GFRA2: variants seen among roughly 807,000 people sequenced by gnomAD.
GFRA2 encodes the protein GDNF family receptor alpha-2.
A neutral mutation model predicts 48.3 loss-of-function variants in GFRA2; 17 were observed. The observed-to-expected ratio is 0.35, with a 90% confidence interval of 0.24 to 0.53. The LOEUF is 0.53. Among genes scored for constraint, GFRA2 ranks in the 20% least tolerant of loss-of-function variants. The pLI is 0.93. For missense variants in GFRA2, 660 were observed against 637.3 expected, an observed-to-expected ratio of 1.04 and a Z score of -0.38; for synonymous variants, 305 against 257.2, an observed-to-expected ratio of 1.19 and a Z score of -1.78.
At chr8:21,798,696 T>A (rs1441953068) in intron 2 of GFRA2, among the ~76,000 whole-genome samples, 1 of 152,156 alleles carries the variant, frequency 6.6e-6, no homozygotes, top group African/African-American at 2.4e-5. Flanking sequence ...GCAGCCCACA[T>A]CCCATGGTGA....
intron 3 of GFRA2, among the ~76,000 whole-genome samples, chr8:21,770,282 A>C (rs1806381670): frequency 6.6e-6 from 1 of 152,224 alleles, no homozygotes; most frequent in African/African-American, 2.4e-5. Flanking sequence ...ACCTTGGAGA[A>C]ATCAGTCCAT....
intron 2 of GFRA2, among the ~76,000 whole-genome samples, chr8:21,801,092 CA>C (rs1413192160): frequency 2.6e-5 from 4 of 152,024 alleles, no homozygotes; most frequent in Non-Finnish European, 5.9e-5. Context: ...CTCATTAAAA[CA>C]AATCCCTGCT....
At chr8:21,786,198 G>GCA (rs1304226827) in intron 1 of GFRA2, among the ~76,000 whole-genome samples, 157 of 152,280 alleles carry the variant, frequency 1.0e-3, no homozygotes, top group South Asian at 8.1e-3. Flanking sequence ...CATCTCCCAT[G>GCA]CACACACATA....
At chr8:21,749,597 T>G (rs1479706819) in intron 4 of GFRA2, among the ~76,000 whole-genome samples, 1 of 152,088 alleles carries the variant, frequency 6.6e-6, no homozygotes, top group Non-Finnish European at 1.5e-5. Context: ...GAGAGCACCT[T>G]TCCTGATAGC....
chr8:21,703,651 T>C (rs1272606181), intron 6 of GFRA2, among the ~76,000 whole-genome samples: 2 of 152,192 alleles, frequency 1.3e-5, no homozygotes, highest in African/African-American at 2.4e-5. Context: ...GTATCATCTC[T>C]TATCTACCCT....
Position 21,693,015 on chromosome 8 carries a change from G to C in GFRA2, c.*263C>G, listed in dbSNP as rs1801946382. 1 of 307,642 alleles carries C rather than the reference G, an allele frequency of 3.3e-6. No homozygotes were observed. The allele number at this position is 307,642 out of a possible 1,614,324, so 19.1% of individuals were successfully genotyped here. The stretch of plus-strand genomic sequence containing the variant: ...CAGGAGAAAGTGAAGGGCATTTCTA[G>C]AGCCTCGTGCCCTCCCCGGCACCAG... On this transcript the variant is annotated 3_prime_UTR_variant, in exon 9 of 9. Transcript: ENST00000524240.
intron 1 of GFRA2, among the ~76,000 whole-genome samples, chr8:21,787,435 C>T (rs1443326421): frequency 6.6e-6 from 1 of 152,206 alleles, no homozygotes; most frequent in Non-Finnish European, 1.5e-5. Context: ...GAGGGAAGGC[C>T]GGGAACGGCT....
At chr8:21,760,055 G>C (rs1045625519) in intron 3 of GFRA2, among the ~76,000 whole-genome samples, 5 of 152,106 alleles carry the variant, frequency 3.3e-5, no homozygotes, top group South Asian at 2.1e-4. Context: ...CAAGCACAAA[G>C]GTCCTGAGAC....
At chr8:21,776,039 G>A (rs1490349287) in intron 2 of GFRA2, among the ~76,000 whole-genome samples, 4 of 131,582 alleles carry the variant, frequency 3.0e-5, no homozygotes, top group East Asian at 2.3e-4. Flanking sequence ...GTGTGTGTGT[G>A]TAGTGAAAAG....
At chr8:21,733,951 C>T (rs4352841) in intron 4 of GFRA2, among the ~76,000 whole-genome samples, 122,890 of 152,156 alleles carry the variant, frequency 0.81, 49,713 homozygotes, top group Middle Eastern at 0.87. Flanking sequence ...TCCCCTCCTT[C>T]CTGCCATTGA....
chr8:21,736,976 C>T (rs1215679430), intron 4 of GFRA2, among the ~76,000 whole-genome samples: 3 of 151,094 alleles, frequency 2.0e-5, no homozygotes, highest in Non-Finnish European at 2.9e-5. Context: ...TCATCTATTC[C>T]TTTCACCTGT....
chr8:21,708,154 A>G (rs1234683919), intron 4 of GFRA2, among the ~76,000 whole-genome samples: 3 of 152,234 alleles, frequency 2.0e-5, no homozygotes, highest in African/African-American at 7.2e-5. Flanking sequence ...CAGAGCCATC[A>G]TTCTGCACCT....
At chr8:21,732,231 G>A (rs898344253) in intron 4 of GFRA2, among the ~76,000 whole-genome samples, 4 of 152,236 alleles carry the variant, frequency 2.6e-5, no homozygotes, top group Non-Finnish European at 5.9e-5. Context: ...CCTTCCAGGG[G>A]ACAAACAGGA....
Position 21,782,752 on chromosome 8 carries a change from C to A in GFRA2, c.188G>T (p.Cys63Phe). ...GGTGTTGCGGTCGCGGCCTGCCAGG[C>A]ACTGCCGCAGAGTGCGGTAGCGAGA... ...CSSRYRTLRQ[C>F]LAGRDRNTML... The change falls in exon 2 of 9, where the codon TGC becomes TTC. Residue 63 changes from cysteine to phenylalanine, a missense_variant. Transcript: ENST00000524240. 6.3e-7 allele frequency: 1 copy of A among 1,596,490 alleles called. No homozygotes were observed. The highest frequency in any genetic ancestry group is 8.5e-7 in the Non-Finnish European group (1 of 1,172,774).
rs1333198068 is a variant in GFRA2, at chr8:21,691,587, G to C, written c.*1691C>G. The C allele has an allele frequency of 6.6e-6, 1 of 152,300 alleles. No homozygotes were observed. Among genetic ancestry groups the C allele is most frequent in the East Asian group, 1.9e-4 (1 of 5,204 alleles). The allele number at this position is 152,300 out of a possible 1,614,324, so 9.4% of individuals were successfully genotyped here. On this transcript the variant is annotated 3_prime_UTR_variant, in exon 9 of 9. Coordinates refer to ENST00000524240, the MANE Select transcript of GFRA2 (RefSeq NM_001495.5). ...TCTCAAATAAGCCAGGAGTCCCAGA[G>C]GGACATACCACTTTGCTCTATGTAA...
chr8:21,780,926 G>C (rs1806952799), intron 2 of GFRA2: 1 of 151,802 alleles, frequency 6.6e-6, no homozygotes, highest in African/African-American at 2.4e-5. Flanking sequence ...GTTTGAGATA[G>C]GCCTGTGCAA....
chr8:21,763,908 C>T (rs577367751), intron 3 of GFRA2, among the ~76,000 whole-genome samples: 1 of 151,624 alleles, frequency 6.6e-6, no homozygotes, highest in South Asian at 2.1e-4. Context: ...CCCAGCCACC[C>T]CCACTCCATG....
At chr8:21,772,652 G>A (rs1806491748) in intron 3 of GFRA2, among the ~76,000 whole-genome samples, 1 of 152,264 alleles carries the variant, frequency 6.6e-6, no homozygotes, top group East Asian at 1.9e-4. Context: ...GGCAGGGAGT[G>A]GTCCCTGGAG....
intron 3 of GFRA2, among the ~76,000 whole-genome samples, chr8:21,765,273 G>A (rs1302107307): frequency 6.6e-6 from 1 of 151,864 alleles, no homozygotes; most frequent in Non-Finnish European, 1.5e-5. Context: ...CACCATGCCT[G>A]CCAGTTTTTG....
Sources: gnomAD v4.1 joint callset for allele counts (sites outside exome capture counted in the v4.1 genomes callset) on GRCh38, gnomAD v4.1.1 for gene constraint, MANE v1.5 for transcripts, NCBI Gene and HGNC (gene_info 2026-07-23, HGNC 2026-07-21) for gene names.